Variants in JAZF1 observed in about 807,000 individuals in gnomAD.
JAZF1 encodes JAZF zinc finger 1.
Under a neutral mutation model 26.4 loss-of-function variants are expected in JAZF1, and 8 were observed. That is an observed-to-expected ratio of 0.30 (90% CI 0.18 to 0.55). The LOEUF is 0.55. JAZF1 is among the 20% of genes least tolerant of loss of function. JAZF1 has a pLI of 0.94. For synonymous variants in JAZF1, 126 were observed against 122.3 expected, an observed-to-expected ratio of 1.03 and a Z score of -0.20; for missense variants, 199 against 322.0, an observed-to-expected ratio of 0.62 and a Z score of 2.92.
At chr7:27,854,682 T>G (rs1421206776) in intron 3 of JAZF1, among the ~76,000 whole-genome samples, 2 of 152,222 alleles carry the variant, frequency 1.3e-5, no homozygotes, top group Non-Finnish European at 2.9e-5. Flanking sequence ...TCTTTAAGAA[T>G]GTTGAATATC....
At chr7:27,930,593 G>A (rs1438440814) in intron 2 of JAZF1, among the ~76,000 whole-genome samples, 1 of 152,110 alleles carries the variant, frequency 6.6e-6, no homozygotes, top group Non-Finnish European at 1.5e-5. Context: ...CTTTTTGATA[G>A]TTTTATTGGT....
intron 1 of JAZF1, among the ~76,000 whole-genome samples, chr7:28,084,155 A>G (rs1366886513): frequency 6.6e-6 from 1 of 152,150 alleles, no homozygotes; most frequent in African/African-American, 2.4e-5. Context: ...GCCCCCTTGC[A>G]AGGGAGGGTG....
At chr7:28,123,218 A>C (rs529547829) in intron 1 of JAZF1, among the ~76,000 whole-genome samples, 4 of 151,840 alleles carry the variant, frequency 2.6e-5, no homozygotes, top group African/African-American at 9.7e-5. Context: ...TCCTCCCTGT[A>C]CTCCGAATCA....
intron 3 of JAZF1, chr7:27,842,503 A>AG (rs1443449232): frequency 6.6e-6 from 1 of 152,182 alleles, no homozygotes; most frequent in African/African-American, 2.4e-5. Flanking sequence ...CGGGTGGTGC[A>AG]GAAAAAACAA....
intron 3 of JAZF1, among the ~76,000 whole-genome samples, chr7:27,874,334 T>C (rs1338711644): frequency 2.6e-5 from 4 of 152,162 alleles, no homozygotes; most frequent in Admixed American, 2.6e-4. Context: ...GGAAAATAAG[T>C]CTGGACAGTT....
intron 1 of JAZF1, among the ~76,000 whole-genome samples, chr7:28,023,767 G>A (rs1227124197): frequency 6.6e-6 from 1 of 152,214 alleles, no homozygotes; most frequent in Non-Finnish European, 1.5e-5. Flanking sequence ...TAGTAAGAGA[G>A]AGGCTGACAG....
intron 1 of JAZF1, among the ~76,000 whole-genome samples, chr7:28,166,778 G>T (rs745435801): frequency 3.3e-5 from 5 of 152,190 alleles, no homozygotes; most frequent in Non-Finnish European, 5.9e-5. Flanking sequence ...GCAAGAATTT[G>T]TGTGTGGAAT....
chr7:28,104,380 G>C (rs1784520531), intron 1 of JAZF1, among the ~76,000 whole-genome samples: 1 of 152,024 alleles, frequency 6.6e-6, no homozygotes, highest in South Asian at 2.1e-4. Flanking sequence ...GTTCCCAATT[G>C]TATCCTTTGT....
chr7:27,987,868 C>T (rs1461288653), intron 2 of JAZF1, among the ~76,000 whole-genome samples: 1 of 152,238 alleles, frequency 6.6e-6, no homozygotes, highest in Non-Finnish European at 1.5e-5. Context: ...CCTTGGGATG[C>T]TGTTAATCTA....
intron 4 of JAZF1, among the ~76,000 whole-genome samples, chr7:27,837,227 T>C (rs1055238339): frequency 5.3e-5 from 8 of 152,218 alleles, no homozygotes; most frequent in African/African-American, 1.9e-4. Flanking sequence ...ATAAAAATTA[T>C]CAAAGGTTAA....
rs1363882973 is a variant in JAZF1, at chr7:27,912,953, C to T, written c.189-17537G>A. On this transcript the variant is annotated intron_variant, in intron 2 of 4. Transcript: ENST00000283928. ...CACGGTGCTGATGATACAGCTGACT[C>T]TGGCCTCATTTACGCAATTAACCAC... Among the ~76,000 whole-genome samples the T allele has an allele frequency of 2.6e-5, 4 of 152,158 alleles. No homozygotes were observed. The East Asian group carries it at 7.7e-4, about 29-fold the overall frequency.
chr7:28,050,236 G>A (rs1783589100), intron 1 of JAZF1, among the ~76,000 whole-genome samples: 1 of 152,172 alleles, frequency 6.6e-6, no homozygotes, highest in South Asian at 2.1e-4. Context: ...TCTGTGCCAG[G>A]CATCAGGGGC....
chr7:28,004,236 T>C (rs1381449915), intron 1 of JAZF1, among the ~76,000 whole-genome samples: 1 of 152,028 alleles, frequency 6.6e-6, no homozygotes, highest in East Asian at 1.9e-4. Flanking sequence ...GGAGTAGGTG[T>C]TCCCAAGCTA....
At chr7:28,104,700 A>C (rs1457665661) in intron 1 of JAZF1, among the ~76,000 whole-genome samples, 1 of 152,162 alleles carries the variant, frequency 6.6e-6, no homozygotes, top group Non-Finnish European at 1.5e-5. Flanking sequence ...GAATTCCTAC[A>C]ACATTAGGAT....
intron 1 of JAZF1, among the ~76,000 whole-genome samples, chr7:28,001,835 T>G (rs779476438): frequency 9.9e-5 from 15 of 152,102 alleles, no homozygotes; most frequent in South Asian, 2.1e-4. Context: ...GAAACTGGGA[T>G]GTAGAAATAT....
chr7:27,943,924 G>A (rs1784887397), intron 2 of JAZF1, among the ~76,000 whole-genome samples: 1 of 152,196 alleles, frequency 6.6e-6, no homozygotes, highest in Admixed American at 6.5e-5. Context: ...GTGGGTTTAA[G>A]TCTGTCTCCT....
intron 1 of JAZF1, among the ~76,000 whole-genome samples, chr7:28,008,297 A>ACGTCAAT (rs1195476034): frequency 6.6e-6 from 1 of 152,092 alleles, no homozygotes; most frequent in African/African-American, 2.4e-5. Context: ...GCTCACTGCA[A>ACGTCAAT]CGTCAATCTC....
chr7:28,044,509 C>T (rs1783459767), intron 1 of JAZF1, among the ~76,000 whole-genome samples: 1 of 152,174 alleles, frequency 6.6e-6, no homozygotes, highest in Non-Finnish European at 1.5e-5. Flanking sequence ...TCTGCACTGT[C>T]CTAGCTGATG....
intron 2 of JAZF1, among the ~76,000 whole-genome samples, chr7:27,906,613 T>A (rs890922882): frequency 6.6e-6 from 1 of 152,206 alleles, no homozygotes; most frequent in African/African-American, 2.4e-5. Context: ...AGTGAAGCAA[T>A]TAATTTTGAT....
Sources: gnomAD v4.1 joint callset for allele counts (sites outside exome capture counted in the v4.1 genomes callset) on GRCh38, gnomAD v4.1.1 for gene constraint, MANE v1.5 for transcripts, NCBI Gene and HGNC (gene_info 2026-07-23, HGNC 2026-07-21) for gene names.